Variants in DIP2C observed in about 807,000 individuals in gnomAD.
DIP2C encodes the protein disco-interacting protein 2 homolog C.
Under a neutral mutation model 192.4 loss-of-function variants are expected in DIP2C, and 33 were observed. That is an observed-to-expected ratio of 0.17 (90% CI 0.13 to 0.23). The LOEUF (loss-of-function observed/expected upper bound fraction) is 0.23. Among genes scored for constraint, DIP2C ranks in the 10% least tolerant of loss-of-function variants. DIP2C has a pLI of 1.00. For missense variants in DIP2C, 1,537 were observed against 2,110.1 expected (o/e 0.73, Z 5.32); for synonymous variants, 979 against 864.1 (o/e 1.13, Z -2.33).
In DIP2C at chr10:383,932, T is replaced by TA; in HGVS notation, c.1876+94dup. On this transcript the variant is annotated intron_variant, in intron 16 of 36. Transcript: ENST00000280886. ...CAAAGAATGAAACCTGGGGAAAAAA[T>TA]AAAAAAGACTTCACAGCCTGCCTGC... The TA allele has an allele frequency of 4.6e-6, 6 of 1,307,560 alleles. No individual in the cohort carries two copies. The South Asian group carries it at 5.5e-5, about 12-fold the overall frequency. The allele number at this position is 1,307,560 out of a possible 1,614,324, so 81.0% of individuals were successfully genotyped here.
At chr10:611,981 G>A (rs905368761) in intron 1 of DIP2C, among the ~76,000 whole-genome samples, 1 of 65,368 alleles carries the variant, frequency 1.5e-5, no homozygotes, top group Non-Finnish European at 6.8e-5. Context: ...TTTTTTTAAG[G>A]GATCTATTAT....
At chr10:610,094 G>A (rs142555125) in intron 1 of DIP2C, among the ~76,000 whole-genome samples, 124 of 152,344 alleles carry the variant, frequency 8.1e-4, no homozygotes, top group Non-Finnish European at 1.5e-3. Context: ...GTCAACAGGG[G>A]ATGAAGGGAA....
chr10:432,583 A>C (rs1042775997), intron 4 of DIP2C, among the ~76,000 whole-genome samples: 2 of 152,136 alleles, frequency 1.3e-5, no homozygotes, highest in African/African-American at 4.8e-5. Flanking sequence ...TTCTTGTTAA[A>C]GGCTTATAGA....
chr10:474,016 TCAC>T (rs1213927675), intron 2 of DIP2C, among the ~76,000 whole-genome samples: 34 of 152,336 alleles, frequency 2.2e-4, no homozygotes, highest in African/African-American at 7.5e-4. Flanking sequence ...GGCATCCAAA[TCAC>T]CATCAGTTCC....
intron 1 of DIP2C, among the ~76,000 whole-genome samples, chr10:648,075 C>A: frequency 7.3e-6 from 1 of 137,366 alleles, no homozygotes; most frequent in East Asian, 2.3e-4. Flanking sequence ...CCACATTGGA[C>A]GGTGGGCGAG....
intron 1 of DIP2C, among the ~76,000 whole-genome samples, chr10:525,293 T>C (rs1268577291): frequency 6.6e-6 from 1 of 152,072 alleles, no homozygotes; most frequent in African/African-American, 2.4e-5. Context: ...CACAAGCAGG[T>C]TGTATGTCCA....
chr10:293,811 T>C (rs1955608629), intron 32 of DIP2C, among the ~76,000 whole-genome samples: 1 of 152,180 alleles, frequency 6.6e-6, no homozygotes, highest in Non-Finnish European at 1.5e-5. Flanking sequence ...CTATTATTTC[T>C]ACAGGAGGTC....
chr10:447,728 C>A (rs1968393081), intron 3 of DIP2C, among the ~76,000 whole-genome samples: 2 of 77,340 alleles, frequency 2.6e-5, no homozygotes, highest in Non-Finnish European at 4.8e-5. Context: ...CCCACTGATG[C>A]TCAGGATCAC....
chr10:343,627 CTG>C (rs1290922763), intron 28 of DIP2C, among the ~76,000 whole-genome samples: 1 of 152,184 alleles, frequency 6.6e-6, no homozygotes, highest in African/African-American at 2.4e-5. Context: ...AGAAATGAGA[CTG>C]AATTTATACA....
intron 6 of DIP2C, among the ~76,000 whole-genome samples, chr10:417,778 C>T: frequency 8.3e-6 from 1 of 119,976 alleles, no homozygotes; most frequent in Non-Finnish European, 1.7e-5. Flanking sequence ...CTGCACCTGT[C>T]AGGGCTCGGA....
chr10:527,136 C>T (rs534976307), intron 1 of DIP2C, among the ~76,000 whole-genome samples: 18 of 152,332 alleles, frequency 1.2e-4, no homozygotes, highest in African/African-American at 4.1e-4. Context: ...GACGCCTGCA[C>T]AGCCTTCACC....
chr10:576,297 C>A (rs1361725662), intron 1 of DIP2C, among the ~76,000 whole-genome samples: 1 of 152,212 alleles, frequency 6.6e-6, no homozygotes, highest in Non-Finnish European at 1.5e-5. Context: ...ACGCCACAGA[C>A]CACATCACAC....
intron 1 of DIP2C, among the ~76,000 whole-genome samples, chr10:673,149 G>A (rs1041403630): frequency 1.3e-5 from 2 of 152,126 alleles, no homozygotes; most frequent in Admixed American, 6.5e-5. Flanking sequence ...CAGGATGGCT[G>A]TGGAGCTCCT....
intron 10 of DIP2C, among the ~76,000 whole-genome samples, chr10:391,973 T>G (rs1963496700): frequency 6.6e-6 from 1 of 152,124 alleles, no homozygotes; most frequent in African/African-American, 2.4e-5. Context: ...CGCCTCTCTG[T>G]GGAATTTTCA....
chr10:544,836 G>A (rs1308793341), intron 1 of DIP2C, among the ~76,000 whole-genome samples: 1 of 151,964 alleles, frequency 6.6e-6, no homozygotes, highest in African/African-American at 2.4e-5. Context: ...GCCCTTATTG[G>A]GATAATGTGT....
intron 1 of DIP2C, among the ~76,000 whole-genome samples, chr10:688,339 G>T (rs1166125994): frequency 6.6e-6 from 1 of 152,164 alleles, no homozygotes; most frequent in Non-Finnish European, 1.5e-5. Context: ...GTCCCCAGAA[G>T]TCTGGAAAGG....
chr10:643,286 G>A (rs369846614), intron 1 of DIP2C, among the ~76,000 whole-genome samples: 11 of 151,518 alleles, frequency 7.3e-5, no homozygotes, highest in South Asian at 6.3e-4. Context: ...AGGCCAAGGC[G>A]GGTGGATCAT....
intron 31 of DIP2C, among the ~76,000 whole-genome samples, chr10:321,524 G>A (rs1467521120): frequency 7.6e-6 from 1 of 132,420 alleles, no homozygotes; most frequent in African/African-American, 2.8e-5. Flanking sequence ...AGTCAGGGAA[G>A]GCCTGCGGGG....
intron 32 of DIP2C, among the ~76,000 whole-genome samples, chr10:297,978 C>G (rs1414622915): frequency 6.6e-6 from 1 of 152,100 alleles, no homozygotes; most frequent in Non-Finnish European, 1.5e-5. Flanking sequence ...AAAAATTGAG[C>G]AGGATGGTAG....
Sources: allele counts gnomAD v4.1 joint callset (sites outside exome capture counted in the v4.1 genomes callset), GRCh38; gene constraint gnomAD v4.1.1; transcripts MANE v1.5; gene names NCBI Gene and HGNC (gene_info 2026-07-23, HGNC 2026-07-21).